The following ASB4 variants were observed in gnomAD, a reference collection of about 807,000 sequenced individuals.
ASB4 encodes the protein ankyrin repeat and SOCS box protein 4.
ASB4 carries 35 observed loss-of-function variants against 38.6 expected under a neutral mutation model. The ratio of observed to expected loss-of-function variants is 0.91; its 90% CI spans 0.69 to 1.20. The LOEUF (loss-of-function observed/expected upper bound fraction) is 1.20, where lower values mean the gene tolerates loss of function less well. ASB4 is among the 50% of genes most tolerant of loss of function. ASB4 has a pLI of 0.00. For missense variants in ASB4, 557 were observed against 527.2 expected (o/e 1.06, Z -0.55); for synonymous variants, 195 against 201.3 (o/e 0.97, Z 0.26).
intron 2 of ASB4, among the ~76,000 whole-genome samples, chr7:95,497,523 T>C (rs66593445): frequency 1.6e-4 from 25 of 152,142 alleles, no homozygotes; most frequent in African/African-American, 5.5e-4. Context: ...GAGGCACCTA[T>C]GTAGGGATAA....
At chr7:95,502,408 G>A (rs1054291951) in intron 2 of ASB4, among the ~76,000 whole-genome samples, 1 of 150,290 alleles carries the variant, frequency 6.7e-6, no homozygotes, top group East Asian at 1.9e-4. Flanking sequence ...GGGGCAAATT[G>A]ATAACACATA....
rs557471270 is a variant in ASB4, at chr7:95,523,947, C to T, written c.488-3866C>T. ...ACCATTCAAATGCAATGAGATATCACTCTGCAACCAAGAAATTGGCTAAAA... is the reference window on the plus strand; with the variant it reads ...ACCATTCAAATGCAATGAGATATCATTCTGCAACCAAGAAATTGGCTAAAA... On this transcript the variant is annotated intron_variant, in intron 2 of 4. Coordinates refer to ENST00000325885, the MANE Select transcript of ASB4 (RefSeq NM_016116.3). Among the ~76,000 whole-genome samples the T allele has an allele frequency of 8.4e-4, 128 of 152,266 alleles. 1 individual carries two copies. The highest frequency in any genetic ancestry group is 3.0e-3 in the African/African-American group (125 of 41,542).
At chr7:95,500,641 T>G (rs1290674695) in intron 2 of ASB4, among the ~76,000 whole-genome samples, 1 of 148,768 alleles carries the variant, frequency 6.7e-6, no homozygotes. Flanking sequence ...AAGAAAAAAT[T>G]CAGCCCAGCA....
the ASB4 span, among the ~76,000 whole-genome samples, chr7:95,546,786 G>A: frequency 1.1e-4 from 16 of 152,130 alleles, no homozygotes; most frequent in African/African-American, 2.7e-4. Context: ...CAGGGCTGCC[G>A]GCACAGGATT....
chr7:95,474,032 C>G (rs972987941), upstream of ASB4: 1 of 152,196 alleles, frequency 6.6e-6, no homozygotes, highest in Non-Finnish European at 1.5e-5. Flanking sequence ...CAATGAATCT[C>G]GATCTTTTCT....
intron 3 of ASB4, among the ~76,000 whole-genome samples, chr7:95,534,516 C>T (rs541961128): frequency 7.2e-5 from 11 of 152,140 alleles, no homozygotes; most frequent in Non-Finnish European, 1.5e-4. Flanking sequence ...TGTTTCTTCT[C>T]CCAGCTTCAG....
chr7:95,481,835 A>G (rs917751472), upstream of ASB4, among the ~76,000 whole-genome samples: 2 of 152,240 alleles, frequency 1.3e-5, no homozygotes, highest in African/African-American at 4.8e-5. Flanking sequence ...AGCAAAGGAC[A>G]CTGTTCTGGA....
chr7:95,476,391 T>C (rs976573845), upstream of ASB4, among the ~76,000 whole-genome samples: 3 of 152,172 alleles, frequency 2.0e-5, no homozygotes, highest in African/African-American at 4.8e-5. Context: ...CATTCTTTTT[T>C]ATATTTAAAA....
At chr7:95,475,350 G>C (rs1789967392), upstream of ASB4, among the ~76,000 whole-genome samples, 9 of 152,164 alleles carry the variant, frequency 5.9e-5, 1 homozygote, top group South Asian at 1.9e-3. Flanking sequence ...AATATTGGCA[G>C]TGGTCAGTGA....
intron 2 of ASB4, among the ~76,000 whole-genome samples, chr7:95,524,159 G>T (rs1406732555): frequency 2.6e-5 from 4 of 152,226 alleles, no homozygotes; most frequent in African/African-American, 7.2e-5. Context: ...ATCCCTGCAC[G>T]TGAGCACCAG....
Position 95,526,735 on chromosome 7 carries a change from A to C in ASB4, c.488-1078A>C, listed in dbSNP as rs1008070234. Among the ~76,000 whole-genome samples, 4 of 152,200 alleles carry C rather than the reference A, an allele frequency of 2.6e-5. No individual in the cohort carries two copies. The East Asian group carries it at 7.7e-4, about 29-fold the overall frequency. ...TCACATGGTTAAGTGCTTAATAAAT[A>C]CTAGTTACTAGCATAATAATAACAA... On this transcript the variant is annotated intron_variant, in intron 2 of 4. Transcript: ENST00000325885.
intron 1 of ASB4, among the ~76,000 whole-genome samples, chr7:95,494,800 G>T (rs1325077867): frequency 6.6e-6 from 1 of 152,198 alleles, no homozygotes; most frequent in Non-Finnish European, 1.5e-5. Flanking sequence ...GCGTATAGAA[G>T]TCAGAGATCA....
At chr7:95,516,740 C>T (rs1790589085) in intron 2 of ASB4, among the ~76,000 whole-genome samples, 1 of 152,198 alleles carries the variant, frequency 6.6e-6, no homozygotes. Context: ...GAGCTGTTTT[C>T]CTATTCCTTC....
At chr7:95,544,134 T>C (rs1194805870), downstream of ASB4, 3 of 152,174 alleles carry the variant, frequency 2.0e-5, no homozygotes, top group African/African-American at 4.8e-5. Flanking sequence ...AAGGGGATGA[T>C]AGCCTTACTT....
chr7:95,515,759 G>T (rs1275849289), intron 2 of ASB4, among the ~76,000 whole-genome samples: 1 of 152,128 alleles, frequency 6.6e-6, no homozygotes, highest in African/African-American at 2.4e-5. Context: ...ATAAACCCTG[G>T]TATTCCCCCT....
intron 1 of ASB4, among the ~76,000 whole-genome samples, chr7:95,490,334 T>C (rs935569509): frequency 2.0e-5 from 3 of 152,226 alleles, no homozygotes; most frequent in Admixed American, 6.5e-5. Flanking sequence ...AGGGTTCTTT[T>C]CCTTTCTTCG....
rs765506289 is a variant in ASB4 at position 95,528,167 on chromosome 7, T to C, written c.842T>C (p.Met281Thr). The C allele has an allele frequency of 3.7e-5, 60 of 1,614,104 alleles. No individual in the cohort carries two copies. The highest frequency in any genetic ancestry group is 5.0e-5 in the Non-Finnish European group (59 of 1,180,046). Residue 281 changes from methionine (M) to threonine (T), a missense_variant, in exon 3 of 5, where the codon ATG becomes ACG. Met to Thr is a moderately conservative substitution (Grantham distance 81). Coordinates refer to ENST00000325885, the MANE Select transcript of ASB4 (RefSeq NM_016116.3). The part of the protein sequence containing the change: ...MLEAGAEANL[M>T]DINGCAAIQY... Reference sequence around the variant, plus strand: ...GAAGCTGGCGCCGAAGCCAATCTCATGGATATCAACGGCTGTGCTGCCATC... The same window carrying C: ...GAAGCTGGCGCCGAAGCCAATCTCACGGATATCAACGGCTGTGCTGCCATC...
At chr7:95,550,283 C>T in the ASB4 span, among the ~76,000 whole-genome samples, 1 of 152,134 alleles carries the variant, frequency 6.6e-6, no homozygotes, top group South Asian at 2.1e-4. Context: ...CACAGAGAGA[C>T]TAAGCCAGGC....
intron 2 of ASB4, among the ~76,000 whole-genome samples, chr7:95,499,359 TAAAGG>T (rs1432960895): frequency 6.6e-6 from 1 of 151,914 alleles, no homozygotes; most frequent in Non-Finnish European, 1.5e-5. Context: ...GAGAAACCAG[TAAAGG>T]AGAGTAAGAT....
Sources: gnomAD v4.1 joint callset for allele counts (sites outside exome capture counted in the v4.1 genomes callset) on GRCh38, gnomAD v4.1.1 for gene constraint, MANE v1.5 for transcripts, NCBI Gene and HGNC (gene_info 2026-07-23, HGNC 2026-07-21) for gene names.